CAMK2D: variants seen among roughly 807,000 people sequenced by gnomAD.
CAMK2D encodes calcium/calmodulin-dependent protein kinase type II subunit delta.
A neutral mutation model predicts 84.0 loss-of-function variants in CAMK2D; 37 were observed. The ratio of observed to expected loss-of-function variants is 0.44; its 90% confidence interval spans 0.34 to 0.58. The LOEUF (loss-of-function observed/expected upper bound fraction) is 0.58. CAMK2D is among the 20% of genes least tolerant of loss of function. The pLI, the probability that CAMK2D is intolerant of heterozygous loss-of-function variation, is 0.02. For missense variants in CAMK2D, 448 were observed against 652.5 expected (o/e 0.69, Z 3.41); for synonymous variants, 202 against 212.5 (o/e 0.95, Z 0.43).
chr4:113,713,593 G>A (rs184220835), intron 2 of CAMK2D, among the ~76,000 whole-genome samples: 8 of 149,720 alleles, frequency 5.3e-5, no homozygotes, highest in African/African-American at 1.7e-4. Context: ...CCAATCTAAT[G>A]GATGTGACCT....
At chr4:113,646,705 T>TA (rs2099153378) in intron 3 of CAMK2D, among the ~76,000 whole-genome samples, 2 of 152,068 alleles carry the variant, frequency 1.3e-5, no homozygotes, top group African/African-American at 4.8e-5. Flanking sequence ...AGAAGAACAA[T>TA]AAGCTAAGAA....
At chr4:113,691,287 T>C (rs191985792) in intron 2 of CAMK2D, among the ~76,000 whole-genome samples, 1 of 152,316 alleles carries the variant, frequency 6.6e-6, no homozygotes, top group East Asian at 1.9e-4. Context: ...GCTCTACCAA[T>C]AGTTCAGAAC....
intron 4 of CAMK2D, among the ~76,000 whole-genome samples, chr4:113,601,683 CTTTTTTTTTTTTTTTT>C (rs755850795): frequency 2.2e-5 from 1 of 45,818 alleles, no homozygotes; most frequent in Non-Finnish European, 3.9e-5. Context: ...ACTGTTTATT[CTTTTTTTTTTTTTTTT>C]TTTTTTTTTT....
chr4:113,573,393 A>G (rs1021703188), intron 4 of CAMK2D, among the ~76,000 whole-genome samples: 1 of 152,252 alleles, frequency 6.6e-6, no homozygotes, highest in African/African-American at 2.4e-5. Context: ...GCATTTTAGT[A>G]CTGATGCTCT....
At chr4:113,494,008 A>G (rs1309641182) in intron 16 of CAMK2D, among the ~76,000 whole-genome samples, 1 of 151,964 alleles carries the variant, frequency 6.6e-6, no homozygotes, top group Non-Finnish European at 1.5e-5. Context: ...TCCTTTAAGC[A>G]CTTCTCTGTA....
chr4:113,602,210 G>A (rs757833018), intron 4 of CAMK2D, among the ~76,000 whole-genome samples: 18 of 151,868 alleles, frequency 1.2e-4, no homozygotes, highest in Non-Finnish European at 2.6e-4. Context: ...CGTGGCAAAC[G>A]TTGTATTGTA....
intron 2 of CAMK2D, among the ~76,000 whole-genome samples, chr4:113,731,358 T>C (rs1421317527): frequency 6.6e-6 from 1 of 152,136 alleles, no homozygotes; most frequent in Non-Finnish European, 1.5e-5. Context: ...TATAAAGAAA[T>C]AAAATCACAA....
chr4:113,511,184 ATTACT>A (rs961572562), intron 12 of CAMK2D, among the ~76,000 whole-genome samples: 4 of 152,308 alleles, frequency 2.6e-5, no homozygotes, highest in South Asian at 4.1e-4. Context: ...TTATGGATAA[ATTACT>A]TTAAAGAGCA....
At chr4:113,495,512 C>T (rs1024880807) in intron 16 of CAMK2D, among the ~76,000 whole-genome samples, 3 of 152,130 alleles carry the variant, frequency 2.0e-5, no homozygotes, top group Admixed American at 2.0e-4. Context: ...AATCAGTCAT[C>T]ATACTATTCA....
chr4:113,631,263 AG>A (rs1428231023), intron 3 of CAMK2D, among the ~76,000 whole-genome samples: 1 of 152,152 alleles, frequency 6.6e-6, no homozygotes, highest in East Asian at 1.9e-4. Flanking sequence ...TTGTAATCCT[AG>A]CACCTTTGGA....
intron 4 of CAMK2D, among the ~76,000 whole-genome samples, chr4:113,576,849 C>T (rs1304634561): frequency 2.6e-5 from 4 of 151,950 alleles, no homozygotes; most frequent in Non-Finnish European, 5.9e-5. Context: ...TTCTCATGCA[C>T]CCTTCTAATT....
At chr4:113,686,589 C>A (rs1253177836) in intron 2 of CAMK2D, among the ~76,000 whole-genome samples, 1 of 152,076 alleles carries the variant, frequency 6.6e-6, no homozygotes, top group Non-Finnish European at 1.5e-5. Context: ...AAGCACACAG[C>A]TTACTTTTGG....
intron 3 of CAMK2D, among the ~76,000 whole-genome samples, chr4:113,653,848 G>A (rs1201404496): frequency 6.6e-6 from 1 of 151,918 alleles, no homozygotes; most frequent in Non-Finnish European, 1.5e-5. Context: ...AGAACCTGAG[G>A]AACCTAGAAG....
chr4:113,493,980 G>C (rs1458203917), intron 16 of CAMK2D, among the ~76,000 whole-genome samples: 1 of 152,112 alleles, frequency 6.6e-6, no homozygotes, highest in Admixed American at 6.5e-5. Context: ...TTGAGCCTTG[G>C]TTTTCAGCTC....
intron 13 of CAMK2D, among the ~76,000 whole-genome samples, chr4:113,506,421 C>T (rs902772371): frequency 1.3e-5 from 2 of 152,228 alleles, no homozygotes; most frequent in African/African-American, 4.8e-5. Context: ...TAAATGTTGT[C>T]ATCAATCTAT....
At position 113,475,167 on chromosome 4, in the gene CAMK2D, T is replaced by A. The variant is rs543020527; in HGVS notation, c.1136-9563A>T. Among the ~76,000 whole-genome samples, 22 of 152,312 alleles carry A rather than the reference T, an allele frequency of 1.4e-4. 1 individual carries two copies. Among genetic ancestry groups the A allele is most frequent in the African/African-American group, 5.3e-4 (22 of 41,554 alleles). On this transcript the variant is annotated intron_variant, in intron 16 of 20. Coordinates refer to ENST00000511664, the MANE Select transcript of CAMK2D (RefSeq NM_001321571.2). ...AAGTATACTATTTGAACTTAGTAAA[T>A]AATAGAATTTAGTTTATTCCTGGGT...
chr4:113,622,051 A>G (rs956340759), intron 3 of CAMK2D, among the ~76,000 whole-genome samples: 2 of 152,178 alleles, frequency 1.3e-5, no homozygotes, highest in African/African-American at 4.8e-5. Flanking sequence ...TTCAAAATTA[A>G]CTTGCTATTG....
chr4:113,758,899 C>T (rs1194916870), intron 2 of CAMK2D, among the ~76,000 whole-genome samples: 2 of 152,154 alleles, frequency 1.3e-5, no homozygotes, highest in African/African-American at 4.8e-5. Context: ...TCAAGTGTAA[C>T]TACAATTGAA....
intron 2 of CAMK2D, among the ~76,000 whole-genome samples, chr4:113,690,361 G>GA (rs988671708): frequency 4.0e-5 from 6 of 151,712 alleles, no homozygotes; most frequent in Middle Eastern, 3.4e-3. Context: ...TATTAGCCAA[G>GA]AAAAAAAATC....
Sources: gnomAD v4.1 joint callset for allele counts (sites outside exome capture counted in the v4.1 genomes callset) on GRCh38, gnomAD v4.1.1 for gene constraint, MANE v1.5 for transcripts, NCBI Gene and HGNC (gene_info 2026-07-23, HGNC 2026-07-21) for gene names.